GRM5: variants seen among roughly 807,000 people sequenced by gnomAD.
The protein encoded by GRM5 is glutamate metabotropic receptor 5.
Under a neutral mutation model 83.1 loss-of-function variants are expected in GRM5, and 19 were observed. The ratio of observed to expected loss-of-function variants is 0.23; its 90% confidence interval spans 0.16 to 0.34. The LOEUF is 0.34. Ranked by LOEUF, GRM5 falls within the 10% of genes least tolerant of loss-of-function variation. The probability of loss-of-function intolerance (pLI) is 1.00; values close to 1 mark genes in which losing one functional copy is unlikely to be tolerated. For missense variants in GRM5, 1,160 were observed against 1,588.3 expected (o/e 0.73, Z 4.58); for synonymous variants, 675 against 633.6 (o/e 1.07, Z -0.98).
intron 2 of GRM5, among the ~76,000 whole-genome samples, chr11:88,856,757 A>G (rs1944485946): frequency 6.6e-6 from 1 of 152,038 alleles, no homozygotes; most frequent in Admixed American, 6.6e-5. Flanking sequence ...CTGCTATGAC[A>G]TGATGATAGC....
At chr11:88,666,650 T>C (rs1940053018) in intron 3 of GRM5, among the ~76,000 whole-genome samples, 1 of 152,224 alleles carries the variant, frequency 6.6e-6, no homozygotes, top group South Asian at 2.1e-4. Flanking sequence ...TGAGTTTTTA[T>C]TTGGGATCAT....
intron 3 of GRM5, among the ~76,000 whole-genome samples, chr11:88,748,713 C>A (rs1200480240): frequency 6.6e-6 from 1 of 152,058 alleles, no homozygotes; most frequent in African/African-American, 2.4e-5. Flanking sequence ...GTCAGTACCC[C>A]CCCAGGACCA....
In GRM5 at chr11:88,725,488, A is replaced by G. The variant is rs572959637; in HGVS notation, c.912-72085T>C. 5.9e-5 allele frequency among the ~76,000 whole-genome samples: 9 copies of G among 152,292 alleles called. No homozygotes were observed. The East Asian group carries it at 1.7e-3, about 30-fold the overall frequency. ...GCAGACTTAAATGTTCCTGGCTGCC[A>G]GCTGTGAATAGAGCAGTGGATCTCC... On this transcript the variant is annotated intron_variant, in intron 3 of 9. Transcript: ENST00000305447.
intron 3 of GRM5, among the ~76,000 whole-genome samples, chr11:88,817,506 A>T (rs536038443): frequency 2.0e-5 from 3 of 152,126 alleles, no homozygotes; most frequent in Non-Finnish European, 4.4e-5. Context: ...ATATTTAACC[A>T]TACTTAAATT....
chr11:88,799,247 C>A (rs1590865920), intron 3 of GRM5, among the ~76,000 whole-genome samples: 6 of 151,886 alleles, frequency 4.0e-5, no homozygotes, highest in African/African-American at 1.5e-4. Context: ...CATTAATTTT[C>A]TAAATAACTT....
intron 7 of GRM5, among the ~76,000 whole-genome samples, chr11:88,573,220 A>G (rs924980300): frequency 2.6e-5 from 4 of 152,142 alleles, no homozygotes; most frequent in Non-Finnish European, 2.9e-5. Context: ...AGCTGCCAAA[A>G]CTATATTGTC....
intron 8 of GRM5, among the ~76,000 whole-genome samples, chr11:88,553,199 A>T (rs1368500922): frequency 6.6e-6 from 1 of 152,192 alleles, no homozygotes; most frequent in Non-Finnish European, 1.5e-5. Context: ...TTAATCAATC[A>T]AAGGGAAAAG....
intron 2 of GRM5, among the ~76,000 whole-genome samples, chr11:88,870,882 TA>T (rs966807454): frequency 4.0e-5 from 6 of 151,408 alleles, no homozygotes; most frequent in African/African-American, 1.2e-4. Context: ...AATAAACGAT[TA>T]AAGGGAAGAA....
chr11:88,925,928 G>T, intron 2 of GRM5: 2 of 271,902 alleles, frequency 7.4e-6, no homozygotes, highest in Non-Finnish European at 1.5e-5. Flanking sequence ...AAAAAAGTGA[G>T]GCACATTTCT....
intron 6 of GRM5, among the ~76,000 whole-genome samples, chr11:88,594,953 C>T (rs773514398): frequency 7.2e-5 from 11 of 152,146 alleles, no homozygotes; most frequent in Non-Finnish European, 1.6e-4. Flanking sequence ...GCTGCCCTAA[C>T]TCCCTTTTTA....
At chr11:88,609,157 T>C (rs1412805994) in intron 4 of GRM5, among the ~76,000 whole-genome samples, 1 of 152,180 alleles carries the variant, frequency 6.6e-6, no homozygotes, top group Non-Finnish European at 1.5e-5. Flanking sequence ...ACCCTTCCTC[T>C]TCAAGCAATC....
intron 6 of GRM5, among the ~76,000 whole-genome samples, chr11:88,593,258 C>T (rs954197008): frequency 5.3e-5 from 8 of 152,068 alleles, no homozygotes; most frequent in Non-Finnish European, 1.0e-4. Flanking sequence ...GCTGTTAAAC[C>T]ATATTAAGAA....
chr11:88,719,894 C>T (rs765661491), intron 3 of GRM5, among the ~76,000 whole-genome samples: 7 of 152,060 alleles, frequency 4.6e-5, no homozygotes, highest in Non-Finnish European at 1.0e-4. Flanking sequence ...GTCCTTTGCC[C>T]ACTTTTTAAT....
At chr11:89,021,485 G>A (rs1940982407) in intron 2 of GRM5, among the ~76,000 whole-genome samples, 2 of 152,066 alleles carry the variant, frequency 1.3e-5, no homozygotes, top group South Asian at 2.1e-4. Flanking sequence ...GAGAACAGGT[G>A]GTATGTAAGG....
chr11:88,888,841 C>A (rs748570020), intron 2 of GRM5, among the ~76,000 whole-genome samples: 1 of 152,112 alleles, frequency 6.6e-6, no homozygotes, highest in Non-Finnish European at 1.5e-5. Context: ...GATGCAGACC[C>A]AGGACCCCCT....
chr11:88,821,323 T>C (rs1325677258), intron 3 of GRM5, among the ~76,000 whole-genome samples: 1 of 143,852 alleles, frequency 7.0e-6, no homozygotes, highest in Non-Finnish European at 1.5e-5. Context: ...CTCTGCATCT[T>C]TGAACACTTG....
chr11:88,529,192 A>G (rs890146917), intron 8 of GRM5, among the ~76,000 whole-genome samples: 6 of 151,922 alleles, frequency 3.9e-5, no homozygotes, highest in Non-Finnish European at 8.8e-5. Flanking sequence ...TGAATAGTCC[A>G]TGTGCTGGGC....
chr11:88,869,430 G>T (rs1354064068), intron 2 of GRM5, among the ~76,000 whole-genome samples: 2 of 151,502 alleles, frequency 1.3e-5, no homozygotes, highest in South Asian at 2.1e-4. Context: ...CTCCAGCAAT[G>T]CAATGACTGT....
At chr11:89,051,084 C>T (rs1591079279) in intron 1 of GRM5, among the ~76,000 whole-genome samples, 1 of 151,634 alleles carries the variant, frequency 6.6e-6, no homozygotes, top group South Asian at 2.1e-4. Flanking sequence ...ACATGTGCCC[C>T]TGAATTTTTA....
Sources: allele counts gnomAD v4.1 joint callset (sites outside exome capture counted in the v4.1 genomes callset), GRCh38; gene constraint gnomAD v4.1.1; transcripts MANE v1.5; gene names NCBI Gene and HGNC (gene_info 2026-07-23, HGNC 2026-07-21).